CLIC5: variants seen among roughly 807,000 people sequenced by gnomAD.
The protein encoded by CLIC5 is chloride intracellular channel protein 5.
CLIC5 carries 20 observed loss-of-function variants against 24.7 expected under a neutral mutation model. That is an observed-to-expected ratio of 0.81 (90% CI 0.57 to 1.18). The LOEUF (loss-of-function observed/expected upper bound fraction) is 1.18, where lower values mean the gene tolerates loss of function less well. Ranked by LOEUF, CLIC5 falls within the 50% of genes most tolerant of loss-of-function variation. The probability of loss-of-function intolerance (pLI) is 0.00; values close to 1 mark genes in which losing one functional copy is unlikely to be tolerated. For missense variants in CLIC5, 341 were observed against 326.1 expected, an observed-to-expected ratio of 1.05 and a Z score of -0.35; for synonymous variants, 159 against 135.6, an observed-to-expected ratio of 1.17 and a Z score of -1.20.
intron 1 of CLIC5, among the ~76,000 whole-genome samples, 168 bp downstream of exon 1, chr6:46,015,312 G>T (rs182959820): frequency 2.0e-5 from 3 of 152,328 alleles, no homozygotes; most frequent in East Asian, 1.9e-4. Flanking sequence ...CCTCCATTCC[G>T]CCCAGGAGCC....
At chr6:45,941,290 G>A (rs1157257896) in intron 4 of CLIC5, among the ~76,000 whole-genome samples, 1 of 152,166 alleles carries the variant, frequency 6.6e-6, no homozygotes, top group East Asian at 1.9e-4. Context: ...ATGACAAAGA[G>A]CATCCCTCTC....
intron 4 of CLIC5, among the ~76,000 whole-genome samples, chr6:45,936,985 G>C (rs1763960158): frequency 6.6e-6 from 1 of 152,060 alleles, no homozygotes; most frequent in African/African-American, 2.4e-5. Flanking sequence ...AAGGGGACCT[G>C]GATCTAGAAA....
chr6:46,036,306 CTTTTTTTTT>C (rs67557243), intron 1 of CLIC5, among the ~76,000 whole-genome samples: 31 of 88,186 alleles, frequency 3.5e-4, no homozygotes, highest in African/African-American at 1.4e-3. Flanking sequence ...ACTGCAAGGT[CTTTTTTTTT>C]TTTTTTTTTT....
chr6:45,944,913 C>T (rs1187671406), intron 3 of CLIC5, among the ~76,000 whole-genome samples: 1 of 152,180 alleles, frequency 6.6e-6, no homozygotes, highest in African/African-American at 2.4e-5. Flanking sequence ...TCCATTGTTC[C>T]CACTTCCTTA....
At position 45,893,264 on chromosome 6, in the gene CLIC5, A is replaced by G. The variant is rs9472603; in HGVS notation, c.624-12076T>C. On this transcript the variant is annotated intron_variant, in intron 6 of 6. Coordinates refer to the CLIC5 transcript ENST00000644324. ...TTTTGTTTTAAGAATTCCTTTGAGA[A>G]TCACTGTCAATGTGATAAGAGGCAG... Among the ~76,000 whole-genome samples the G allele has an allele frequency of 2.7e-3, 416 of 151,584 alleles. 3 individuals carry two copies. Among genetic ancestry groups the G allele is most frequent in the African/African-American group, 9.3e-3 (382 of 41,230 alleles).
chr6:46,104,427 T>A, the CLIC5 span, among the ~76,000 whole-genome samples: 1 of 152,130 alleles, frequency 6.6e-6, no homozygotes, highest in African/African-American at 2.4e-5. Flanking sequence ...TCAGGCGAGT[T>A]TGTCTTAACA....
intron 4 of CLIC5, among the ~76,000 whole-genome samples, chr6:45,927,517 G>A (rs1581749035): frequency 1.3e-5 from 2 of 152,166 alleles, no homozygotes. Context: ...TCTAAAAGCA[G>A]GACGTAGATT....
intron 4 of CLIC5, among the ~76,000 whole-genome samples, chr6:45,939,231 T>A (rs1764045140): frequency 6.7e-6 from 1 of 148,568 alleles, no homozygotes; most frequent in Non-Finnish European, 1.5e-5. Flanking sequence ...TTTTTTTTTT[T>A]TTTTTTTTGA....
At chr6:46,051,645 A>G (rs1768105126) in intron 1 of CLIC5, among the ~76,000 whole-genome samples, 1 of 152,068 alleles carries the variant, frequency 6.6e-6, no homozygotes, top group Non-Finnish European at 1.5e-5. Context: ...TTTCCCTTTC[A>G]CGTTCTAACT....
At chr6:46,082,436 G>A (rs1762944371), upstream of CLIC5, among the ~76,000 whole-genome samples, 1 of 152,076 alleles carries the variant, frequency 6.6e-6, no homozygotes, top group Non-Finnish European at 1.5e-5. Context: ...CCCTACAATG[G>A]CTCCCCATTT....
chr6:46,016,478 G>A (rs145304553), upstream of CLIC5, among the ~76,000 whole-genome samples: 5 of 152,262 alleles, frequency 3.3e-5, no homozygotes, highest in East Asian at 1.9e-4. Flanking sequence ...GGTCAGGTGC[G>A]GCTTCCATGC....
intron 4 of CLIC5, among the ~76,000 whole-genome samples, chr6:45,939,295 C>A (rs1764048953): frequency 7.0e-6 from 1 of 143,376 alleles, no homozygotes; most frequent in South Asian, 2.3e-4. Flanking sequence ...CTCATTGCAA[C>A]CTTCGCCTCC....
rs548383506 is a variant in CLIC5 at position 45,910,344 on chromosome 6, C to T, written c.588+3884G>A. Reference sequence around the variant, plus strand: ...CCTATAAGGAAGAATCTATTATATTCCCATTTACAGATGAGAAAAGCAAGA... The same window carrying T: ...CCTATAAGGAAGAATCTATTATATTTCCATTTACAGATGAGAAAAGCAAGA... On this transcript the variant is annotated intron_variant, in intron 5 of 5. Coordinates refer to ENST00000339561, the MANE Select transcript of CLIC5 (RefSeq NM_016929.5). Among the ~76,000 whole-genome samples the T allele has an allele frequency of 1.3e-5, 2 of 152,056 alleles. 1 individual carries two copies. Among genetic ancestry groups the T allele is most frequent in the African/African-American group, 4.8e-5 (2 of 41,392 alleles).
intron 1 of CLIC5, among the ~76,000 whole-genome samples, chr6:45,959,964 A>T (rs1012529712): frequency 6.6e-6 from 1 of 152,056 alleles, no homozygotes; most frequent in Non-Finnish European, 1.5e-5. Context: ...AGTCACACTT[A>T]TACCACTGCT....
chr6:45,949,151 T>C, intron 3 of CLIC5, 105 bp downstream of exon 3: 1 of 1,430,714 alleles, frequency 7.0e-7, no homozygotes, highest in South Asian at 1.4e-5. Context: ...TCTGGACTGG[T>C]GAGGTTCCTT....
At chr6:45,896,904 G>A (rs1171851409), downstream of CLIC5, among the ~76,000 whole-genome samples, 2 of 152,080 alleles carry the variant, frequency 1.3e-5, no homozygotes, top group South Asian at 4.2e-4. Flanking sequence ...GATCTAACTG[G>A]CTATTAAAAA....
intron 5 of CLIC5, among the ~76,000 whole-genome samples, chr6:45,911,436 C>T (rs1418468639): frequency 1.3e-5 from 2 of 152,144 alleles, no homozygotes; most frequent in South Asian, 4.1e-4. Context: ...ATGATGATCC[C>T]TTGGGTTGGG....
Position 46,015,464 on chromosome 6 carries a change from C to A in CLIC5, c.63+16G>T. Reference sequence around the variant, plus strand: ...GAGGCGCGGCAGGTGCGGCGGGAGACTGGACCCCGACCTACCTTCACAAAG... The same window carrying A: ...GAGGCGCGGCAGGTGCGGCGGGAGAATGGACCCCGACCTACCTTCACAAAG... On this transcript the variant is annotated intron_variant, in intron 1 of 5. Coordinates refer to ENST00000339561, the MANE Select transcript of CLIC5 (RefSeq NM_016929.5). 6.6e-7 allele frequency: 1 copy of A among 1,506,434 alleles called. No homozygotes were observed. The highest frequency in any genetic ancestry group is 8.9e-7 in the Non-Finnish European group (1 of 1,124,588). 93.3% of individuals were successfully genotyped at this position (1,506,434 alleles called of 1,614,324 possible). A position where few individuals can be genotyped will look rare whatever the true frequency, so the allele number is the denominator to read the frequency against.
chr6:45,997,007 T>C (rs1766168291), intron 1 of CLIC5, among the ~76,000 whole-genome samples: 1 of 152,138 alleles, frequency 6.6e-6, no homozygotes, highest in South Asian at 2.1e-4. Context: ...TTACTGGGTA[T>C]ATACCCAAAA....
Sources: gnomAD v4.1 joint callset for allele counts (sites outside exome capture counted in the v4.1 genomes callset) on GRCh38, gnomAD v4.1.1 for gene constraint, MANE v1.5 for transcripts, NCBI Gene and HGNC (gene_info 2026-07-23, HGNC 2026-07-21) for gene names.